The following ASTN2 variants were observed in gnomAD, a reference collection of about 807,000 sequenced individuals.
ASTN2 encodes astrotactin-2.
Under a neutral mutation model 139.8 loss-of-function variants are expected in ASTN2, and 54 were observed. That is an observed-to-expected ratio of 0.39 (90% CI 0.31 to 0.48). The LOEUF is 0.48. Among genes scored for constraint, ASTN2 ranks in the 20% least tolerant of loss-of-function variants. The probability of loss-of-function intolerance (pLI) is 0.95; values close to 1 mark genes in which losing one functional copy is unlikely to be tolerated. For missense variants in ASTN2, 1,565 were observed against 1,725.1 expected, an observed-to-expected ratio of 0.91 and a Z score of 1.64; for synonymous variants, 756 against 719.5, an observed-to-expected ratio of 1.05 and a Z score of -0.81.
In ASTN2 at chr9:117,414,153, T is replaced by A. The variant is rs1181666480; in HGVS notation, c.442+344A>T. On this transcript the variant is annotated intron_variant, in intron 1 of 22. Coordinates refer to ENST00000313400, the MANE Select transcript of ASTN2 (RefSeq NM_001365068.1). This position sits in a 1 kb window ranked among gnomAD's most constrained non-coding sequence, Gnocchi z 4.2. ...GGCTCGACCTGAAACTGGCTTAGGA[T>A]CTGGGATGCTCCGGCCCCTAGCCAG... 2.6e-5 allele frequency among the ~76,000 whole-genome samples: 4 copies of A among 151,894 alleles called. No homozygotes were observed. Among genetic ancestry groups the A allele is most frequent in the African/African-American group, 7.3e-5 (3 of 41,372 alleles).
At chr9:116,504,120 TG>T (rs747742456) in intron 19 of ASTN2, among the ~76,000 whole-genome samples, 13 of 152,176 alleles carry the variant, frequency 8.5e-5, no homozygotes, top group Non-Finnish European at 1.3e-4. Context: ...GGTGCCTCTG[TG>T]CAAATTGGAA....
chr9:116,723,552 C>T (rs919162221), intron 16 of ASTN2, among the ~76,000 whole-genome samples: 7 of 152,236 alleles, frequency 4.6e-5, no homozygotes, highest in Middle Eastern at 3.4e-3. Context: ...TGGTTTCCAA[C>T]GTTTAGCAGA....
At chr9:116,905,021 C>G (rs1048790262) in intron 10 of ASTN2, among the ~76,000 whole-genome samples, 63 of 152,128 alleles carry the variant, frequency 4.1e-4, no homozygotes, top group African/African-American at 1.5e-3. Context: ...GAATGAGGAG[C>G]AGGCCTGGCC....
At position 117,330,351 on chromosome 9, in the gene ASTN2, G is replaced by A. The variant is rs565549867; in HGVS notation, c.443-38838C>T. 3.3e-5 allele frequency among the ~76,000 whole-genome samples: 5 copies of A among 152,308 alleles called. No individual in the cohort carries two copies. The East Asian group carries it at 5.8e-4, about 18-fold the overall frequency. ...AATTAGCCAGATGTTGGGGATGAGT[G>A]GAAAAACAGAGCAAAGCTCTTCACC... On this transcript the variant is annotated intron_variant, in intron 1 of 22. Transcript: ENST00000313400.
chr9:117,123,333 T>C (rs1228408947), intron 4 of ASTN2, among the ~76,000 whole-genome samples: 3 of 151,974 alleles, frequency 2.0e-5, no homozygotes. Context: ...AGGCCATATG[T>C]GTCACAGTTA....
intron 17 of ASTN2, among the ~76,000 whole-genome samples, chr9:116,640,188 G>A (rs1381671456): frequency 2.6e-5 from 4 of 152,080 alleles, no homozygotes; most frequent in Admixed American, 2.6e-4. Flanking sequence ...TTTGCAAGGT[G>A]CAAAAGAAAG....
At chr9:117,387,695 C>T (rs1464670213) in intron 1 of ASTN2, among the ~76,000 whole-genome samples, 1 of 152,172 alleles carries the variant, frequency 6.6e-6, no homozygotes, top group Non-Finnish European at 1.5e-5. Context: ...AGAAGATCCA[C>T]AGGCTTCCTA....
rs1831293399 is a variant in ASTN2 at position 117,415,022 on chromosome 9, C to T, written c.-84G>A. On this transcript the variant is annotated 5_prime_UTR_variant, in exon 1 of 23. Transcript: ENST00000313400. ...GAAGAGGAGGCAGCTGCGGAGACGG[C>T]GGACGCCGAAGCGAACCAGGACGCC... 1.6e-5 allele frequency: 3 copies of T among 185,460 alleles called. No individual in the cohort carries two copies. Among genetic ancestry groups the T allele is most frequent in the Admixed American group, 1.2e-4 (2 of 16,202 alleles). 11.5% of individuals were successfully genotyped at this position (185,460 alleles called of 1,614,324 possible). A position where few individuals can be genotyped will look rare whatever the true frequency, so the allele number is the denominator to read the frequency against.
At chr9:116,863,540 GC>G (rs1564311359) in intron 11 of ASTN2, 42 bp downstream of exon 11, 2 of 1,603,090 alleles carry the variant, frequency 1.2e-6, no homozygotes, top group African/African-American at 2.7e-5. Context: ...GGTGGCCTTA[GC>G]CCCTGGGCCA....
At chr9:116,442,842 A>G (rs931609109) in intron 20 of ASTN2, among the ~76,000 whole-genome samples, 2 of 152,168 alleles carry the variant, frequency 1.3e-5, no homozygotes, top group African/African-American at 4.8e-5. Context: ...GGGGGTATTG[A>G]ACTCATGCAG....
chr9:117,274,151 C>G (rs912902528), intron 2 of ASTN2, among the ~76,000 whole-genome samples: 1 of 152,028 alleles, frequency 6.6e-6, no homozygotes, highest in African/African-American at 2.4e-5. Flanking sequence ...GAGATCGAGA[C>G]CATCCTGGCT....
chr9:116,710,593 T>G (rs1451857208), intron 16 of ASTN2, among the ~76,000 whole-genome samples: 1 of 151,434 alleles, frequency 6.6e-6, no homozygotes, highest in Non-Finnish European at 1.5e-5. Context: ...TAGCAAGGCA[T>G]GGTGGCGCAT....
intron 7 of ASTN2, among the ~76,000 whole-genome samples, chr9:116,985,465 G>C (rs1390298720): frequency 2.6e-5 from 4 of 152,216 alleles, no homozygotes. Flanking sequence ...AGGCTGCTGA[G>C]AGGCTGCCAG....
chr9:116,429,252 T>G (rs565011898), intron 22 of ASTN2, among the ~76,000 whole-genome samples: 36 of 150,336 alleles, frequency 2.4e-4, no homozygotes, highest in Non-Finnish European at 4.4e-4. Flanking sequence ...AGCTGGAGAA[T>G]TGCTTGAACC....
chr9:117,073,683 T>C (rs10983508), intron 5 of ASTN2, among the ~76,000 whole-genome samples: 23,083 of 152,122 alleles, frequency 0.15, 1,765 homozygotes, highest in East Asian at 0.19. Flanking sequence ...AACCACTCCT[T>C]CTCTCAGGAG....
At chr9:117,089,754 C>T (rs1202082749) in intron 5 of ASTN2, among the ~76,000 whole-genome samples, 1 of 151,840 alleles carries the variant, frequency 6.6e-6, no homozygotes, top group Non-Finnish European at 1.5e-5. Flanking sequence ...GTTTAGCTCC[C>T]ACATATCAGT....
intron 1 of ASTN2, among the ~76,000 whole-genome samples, chr9:117,356,297 A>G (rs944267927): frequency 5.9e-5 from 9 of 152,232 alleles, no homozygotes; most frequent in African/African-American, 2.2e-4. Flanking sequence ...GGAGATAAAT[A>G]TGCATCTCGA....
rs964024040 is a variant in ASTN2, at chr9:116,537,695, C to G, written c.3356-50195G>C. Among the ~76,000 whole-genome samples, 23 of 152,170 alleles carry G rather than the reference C, an allele frequency of 1.5e-4. No homozygotes were observed. The East Asian group carries it at 1.5e-3, about 10-fold the overall frequency. ...ACCATTCACTGCAAATTGGTAAAAT[C>G]AGAGAACTCCACTGACTATCATAGA... On this transcript the variant is annotated intron_variant, in intron 19 of 22. Transcript: ENST00000313400.
intron 6 of ASTN2, among the ~76,000 whole-genome samples, chr9:117,020,376 A>C (rs1331966042): frequency 1.3e-5 from 2 of 151,942 alleles, no homozygotes; most frequent in Admixed American, 1.3e-4. Context: ...ATTGCCAAGA[A>C]TATGTTCTCC....
Sources: allele counts gnomAD v4.1 joint callset (sites outside exome capture counted in the v4.1 genomes callset), GRCh38; gene constraint gnomAD v4.1.1; non-coding constraint Gnocchi (gnomAD v3.1); transcripts MANE v1.5; gene names NCBI Gene and HGNC (gene_info 2026-07-23, HGNC 2026-07-21).